PRKG1: variants seen among roughly 807,000 people sequenced by gnomAD.
PRKG1 encodes cGMP-dependent protein kinase 1.
In PRKG1, 35 loss-of-function variants were observed where a neutral mutation model predicts 88.1. The ratio of observed to expected loss-of-function variants is 0.40; its 90% CI spans 0.30 to 0.53. PRKG1 has a LOEUF of 0.53. PRKG1 is among the 20% of genes least tolerant of loss of function. The pLI is 0.59. For missense variants in PRKG1, 540 were observed against 839.8 expected (o/e 0.64, Z 4.41); for synonymous variants, 303 against 292.5 (o/e 1.04, Z -0.37).
chr10:51,151,853 A>G (rs1846081092), intron 1 of PRKG1, among the ~76,000 whole-genome samples: 1 of 152,052 alleles, frequency 6.6e-6, no homozygotes, highest in Non-Finnish European at 1.5e-5. Flanking sequence ...GGTCTGGATG[A>G]AAAGCCTCCC....
intron 1 of PRKG1, among the ~76,000 whole-genome samples, chr10:51,057,390 T>A (rs981888448): frequency 6.6e-6 from 1 of 152,212 alleles, no homozygotes; most frequent in Non-Finnish European, 1.5e-5. Flanking sequence ...CTTAGTAAAA[T>A]CAATATGGAT....
At chr10:51,426,301 C>T (rs1838582086) in intron 2 of PRKG1, among the ~76,000 whole-genome samples, 1 of 151,836 alleles carries the variant, frequency 6.6e-6, no homozygotes, top group Non-Finnish European at 1.5e-5. Flanking sequence ...AATAAACAAA[C>T]AAGCAAACAA....
chr10:51,077,655 A>G (rs111580322), intron 1 of PRKG1, among the ~76,000 whole-genome samples: 82 of 152,198 alleles, frequency 5.4e-4, no homozygotes, highest in African/African-American at 1.9e-3. Context: ...AATTGGAGGG[A>G]AGGTTCTGTC....
chr10:52,209,776 G>A (rs2132798309), intron 9 of PRKG1, among the ~76,000 whole-genome samples: 1 of 152,066 alleles, frequency 6.6e-6, no homozygotes, highest in South Asian at 2.1e-4. Flanking sequence ...CAGCAAATAT[G>A]CATGCCTGTT....
chr10:51,938,919 T>A (rs2133023097), intron 5 of PRKG1, among the ~76,000 whole-genome samples: 1 of 152,198 alleles, frequency 6.6e-6, no homozygotes, highest in East Asian at 1.9e-4. Flanking sequence ...ATTAATACTA[T>A]TTTATCATTT....
chr10:51,905,506 A>T (rs1024321367), intron 4 of PRKG1, among the ~76,000 whole-genome samples: 1 of 152,168 alleles, frequency 6.6e-6, no homozygotes, highest in African/African-American at 2.4e-5. Flanking sequence ...CCTTTTCTCC[A>T]TTCAGATATT....
chr10:51,106,044 G>T (rs1844825499), intron 1 of PRKG1, among the ~76,000 whole-genome samples: 1 of 152,216 alleles, frequency 6.6e-6, no homozygotes, highest in East Asian at 1.9e-4. Context: ...TCTGGGAAAG[G>T]ATGAAGTAGA....
intron 9 of PRKG1, among the ~76,000 whole-genome samples, chr10:52,239,942 C>G (rs1329322308): frequency 1.3e-5 from 2 of 152,146 alleles, no homozygotes; most frequent in Non-Finnish European, 2.9e-5. Flanking sequence ...TTATAGTCAT[C>G]TCAATATACA....
In PRKG1 at chr10:51,713,348, A is replaced by G. The variant is rs531893152; in HGVS notation, c.593-91237A>G. ...GTTATTTTGTCATTTATTGTATAGC[A>G]CTTAAACCAGAGGCCAGTTGAACAG... On this transcript the variant is annotated intron_variant, in intron 3 of 17. Coordinates refer to ENST00000373980, the MANE Select transcript of PRKG1 (RefSeq NM_006258.4). Among the ~76,000 whole-genome samples the G allele has an allele frequency of 1.2e-4, 19 of 152,324 alleles. No individual in the cohort carries two copies. The South Asian group carries it at 3.5e-3, about 28-fold the overall frequency.
In PRKG1 at chr10:51,900,701, G is replaced by T. The variant is rs1589403671; in HGVS notation, c.699-6806G>T. 2.0e-5 allele frequency among the ~76,000 whole-genome samples: 3 copies of T among 152,066 alleles called. No homozygotes were observed. In the East Asian group the frequency reaches 5.8e-4, roughly 29 times the overall value. ...TTATCATAGGCAAAAACCACTGTCTGTTATTGCCCTTTAAGTGATGGACTT... is the reference window on the plus strand; with the variant it reads ...TTATCATAGGCAAAAACCACTGTCTTTTATTGCCCTTTAAGTGATGGACTT... On this transcript the variant is annotated intron_variant, in intron 4 of 17. Transcript: ENST00000373980.
chr10:51,776,343 T>A (rs896803399), intron 3 of PRKG1, among the ~76,000 whole-genome samples: 11 of 152,170 alleles, frequency 7.2e-5, no homozygotes, highest in Non-Finnish European at 1.5e-4. Context: ...TTTGTTAAGA[T>A]GTCTGTACCA....
intron 4 of PRKG1, among the ~76,000 whole-genome samples, chr10:51,877,500 T>G (rs896258587): frequency 1.3e-5 from 2 of 152,204 alleles, no homozygotes; most frequent in African/African-American, 4.8e-5. Flanking sequence ...TGTATTTGAT[T>G]ACATATTTTA....
rs769609011 is a variant in PRKG1, at chr10:52,251,546, A to AT, written c.1077-18dup. ...GTGTTTGCACCTCTAAGAAATTTCC[A>AT]TTTTTTCACATCAAAAAATCCAGAT... On this transcript the variant is annotated intron_variant, in intron 9 of 17. Transcript: ENST00000373980. The AT allele has an allele frequency of 3.7e-5, 60 of 1,604,740 alleles. No homozygotes were observed. In the East Asian group the frequency reaches 1.3e-3, roughly 35 times the overall value.
chr10:52,234,719 G>A (rs1221862052), intron 9 of PRKG1, among the ~76,000 whole-genome samples: 1 of 121,920 alleles, frequency 8.2e-6, no homozygotes, highest in Non-Finnish European at 1.7e-5. Flanking sequence ...GGGGAGAATG[G>A]AACCAAGTTG....
intron 9 of PRKG1, among the ~76,000 whole-genome samples, chr10:52,217,490 C>T (rs10824254): frequency 0.29 from 43,606 of 151,740 alleles, 6,535 homozygotes; most frequent in Middle Eastern, 0.36. Flanking sequence ...TTTAGTACAC[C>T]CTACCGTCAA....
rs145793090 is a variant in PRKG1 at position 52,085,061 on chromosome 10, A to G, written c.935+22430A>G. ...ATATAAGTGACGTTGTATTCTTCCCAGGGTATCAAACACATTAGGAACCAC... is the reference window on the plus strand; with the variant it reads ...ATATAAGTGACGTTGTATTCTTCCCGGGGTATCAAACACATTAGGAACCAC... On this transcript the variant is annotated intron_variant, in intron 7 of 17. Coordinates refer to ENST00000373980, the MANE Select transcript of PRKG1 (RefSeq NM_006258.4). Among the ~76,000 whole-genome samples, 508 of 152,130 alleles carry G rather than the reference A, an allele frequency of 3.3e-3. 2 individuals are homozygous for G. The highest frequency in any genetic ancestry group is 5.5e-3 in the Non-Finnish European group (376 of 67,956).
chr10:51,713,249 C>CA (rs1461809247), intron 3 of PRKG1, among the ~76,000 whole-genome samples: 1 of 152,170 alleles, frequency 6.6e-6, no homozygotes, highest in East Asian at 1.9e-4. Flanking sequence ...TAAAGAAATG[C>CA]AGCATAAAAC....
intron 7 of PRKG1, among the ~76,000 whole-genome samples, chr10:52,109,834 C>A (rs1847515003): frequency 6.6e-6 from 1 of 151,856 alleles, no homozygotes. Flanking sequence ...AATATCACTG[C>A]CTTACATAGG....
intron 3 of PRKG1, among the ~76,000 whole-genome samples, chr10:51,784,300 C>G (rs1235220764): frequency 1.3e-5 from 2 of 152,006 alleles, no homozygotes; most frequent in African/African-American, 4.8e-5. Context: ...GAGTAGCCTT[C>G]CTGAAAATTG....
Sources: allele counts gnomAD v4.1 joint callset (sites outside exome capture counted in the v4.1 genomes callset), GRCh38; gene constraint gnomAD v4.1.1; transcripts MANE v1.5; gene names NCBI Gene and HGNC (gene_info 2026-07-23, HGNC 2026-07-21).